The following ARL15 variants were observed in gnomAD, a reference collection of about 807,000 sequenced individuals.
ARL15 encodes ARF like GTPase 15, also known as ADP-ribosylation factor-like protein 15.
ARL15 carries 19 observed loss-of-function variants against 25.2 expected under a neutral mutation model. That is an observed-to-expected ratio of 0.75 (90% confidence interval 0.53 to 1.10). ARL15 has a LOEUF of 1.10. Ranked by LOEUF, ARL15 falls within the 50% of genes least tolerant of loss-of-function variation. The probability of loss-of-function intolerance (pLI) is 0.00; values close to 1 mark genes in which losing one functional copy is unlikely to be tolerated. For synonymous variants in ARL15, 94 were observed against 86.8 expected (o/e 1.08, Z -0.46); for missense variants, 220 against 246.0 (o/e 0.89, Z 0.71).
chr5:54,045,708 A>G (rs938541650), intron 4 of ARL15, among the ~76,000 whole-genome samples: 2 of 151,998 alleles, frequency 1.3e-5, no homozygotes, highest in Non-Finnish European at 2.9e-5. Flanking sequence ...TCAGACATAG[A>G]GAGAGTGGGG....
Position 54,220,845 on chromosome 5 carries a change from G to A in ARL15, c.49-48917C>T, listed in dbSNP as rs79259963. Among the ~76,000 whole-genome samples, 9 of 152,148 alleles carry A rather than the reference G, an allele frequency of 5.9e-5. No individual in the cohort carries two copies. The East Asian group carries it at 1.2e-3, about 20-fold the overall frequency. ...GTCCTCCTAAAGCACCCCCTTTGCC[G>A]TGGTGAGATCCGCAGTGCCGACTCT... On this transcript the variant is annotated intron_variant, in intron 1 of 4. Transcript: ENST00000504924.
intron 3 of ARL15, among the ~76,000 whole-genome samples, chr5:54,136,639 C>T (rs1753611999): frequency 6.6e-6 from 1 of 152,060 alleles, no homozygotes; most frequent in African/African-American, 2.4e-5. Flanking sequence ...TCTGAAAGAG[C>T]TTAAGCACAC....
At chr5:54,289,847 T>C (rs1225763842) in intron 1 of ARL15, among the ~76,000 whole-genome samples, 2 of 152,238 alleles carry the variant, frequency 1.3e-5, no homozygotes, top group Non-Finnish European at 2.9e-5. Flanking sequence ...TATTTTGTAA[T>C]TGACATATAA....
At chr5:54,198,987 A>G (rs1357181862) in intron 1 of ARL15, among the ~76,000 whole-genome samples, 1 of 151,874 alleles carries the variant, frequency 6.6e-6, no homozygotes, top group Admixed American at 6.6e-5. Flanking sequence ...CTCAGAAATA[A>G]TGCCACATAT....
chr5:53,943,911 T>C (rs1244175239), intron 4 of ARL15, among the ~76,000 whole-genome samples: 1 of 152,182 alleles, frequency 6.6e-6, no homozygotes, highest in African/African-American at 2.4e-5. Flanking sequence ...GGTAGAATAG[T>C]GCAATGGCTT....
intron 3 of ARL15, among the ~76,000 whole-genome samples, chr5:54,138,898 C>T (rs925514543): frequency 6.6e-6 from 1 of 151,998 alleles, no homozygotes; most frequent in African/African-American, 2.4e-5. Flanking sequence ...TACAAATGGT[C>T]AACAAACATG....
intron 4 of ARL15, among the ~76,000 whole-genome samples, chr5:54,087,828 A>G (rs927100058): frequency 1.1e-4 from 6 of 54,838 alleles, no homozygotes; most frequent in African/African-American, 2.9e-4. Flanking sequence ...GTCACATGAC[A>G]CCATGCCCGA....
chr5:54,234,211 G>A (rs894293235), intron 1 of ARL15, among the ~76,000 whole-genome samples: 2 of 151,696 alleles, frequency 1.3e-5, no homozygotes, highest in African/African-American at 4.8e-5. Flanking sequence ...GCCAGGTCTC[G>A]AACTCCTGGC....
intron 4 of ARL15, among the ~76,000 whole-genome samples, chr5:54,004,418 G>A (rs1337417930): frequency 6.6e-6 from 1 of 151,710 alleles, no homozygotes; most frequent in African/African-American, 2.4e-5. Context: ...GCTTGAACCC[G>A]GGAGGTGGAG....
chr5:54,155,545 T>C (rs1385834245), intron 2 of ARL15, among the ~76,000 whole-genome samples: 3 of 152,200 alleles, frequency 2.0e-5, no homozygotes, highest in Admixed American at 1.3e-4. Flanking sequence ...TTATAATACA[T>C]GTAATACAAG....
chr5:54,302,923 C>A (rs1213564521), intron 1 of ARL15, among the ~76,000 whole-genome samples: 1 of 151,826 alleles, frequency 6.6e-6, no homozygotes, highest in Non-Finnish European at 1.5e-5. Flanking sequence ...GGGAGAGCCA[C>A]AACATAACAC....
chr5:54,087,988 TA>T (rs1329051517), intron 4 of ARL15, among the ~76,000 whole-genome samples: 1 of 152,218 alleles, frequency 6.6e-6, no homozygotes, highest in African/African-American at 2.4e-5. Context: ...CTCCAAATAT[TA>T]ATAAGCATAA....
intron 1 of ARL15, among the ~76,000 whole-genome samples, chr5:54,190,481 C>A (rs1035123802): frequency 1.3e-5 from 2 of 152,012 alleles, no homozygotes; most frequent in African/African-American, 4.8e-5. Context: ...ACGTAATTTA[C>A]AAAGAACAGA....
intron 1 of ARL15, among the ~76,000 whole-genome samples, chr5:54,194,067 G>A (rs1157093788): frequency 6.6e-6 from 1 of 152,000 alleles, no homozygotes; most frequent in Non-Finnish European, 1.5e-5. Flanking sequence ...AATCCTAATC[G>A]CCATGCATTG....
intron 4 of ARL15, among the ~76,000 whole-genome samples, chr5:54,071,367 T>A (rs1298958928): frequency 6.6e-6 from 1 of 151,972 alleles, no homozygotes; most frequent in Non-Finnish European, 1.5e-5. Context: ...ATTGAACATC[T>A]CAAATTTCAA....
chr5:54,211,700 G>A (rs1756047555), intron 1 of ARL15, among the ~76,000 whole-genome samples: 1 of 151,988 alleles, frequency 6.6e-6, no homozygotes, highest in Non-Finnish European at 1.5e-5. Context: ...TTGAACTCCT[G>A]ACCTCAGGTG....
intron 4 of ARL15, among the ~76,000 whole-genome samples, chr5:54,101,043 CTTAG>C (rs952045988): frequency 1.6e-4 from 25 of 152,018 alleles, no homozygotes; most frequent in African/African-American, 4.8e-4. Context: ...TCTATAGAAC[CTTAG>C]TTAGTCATAC....
intron 1 of ARL15, among the ~76,000 whole-genome samples, chr5:54,241,153 T>C (rs1579943130): frequency 6.6e-6 from 1 of 152,162 alleles, no homozygotes; most frequent in East Asian, 1.9e-4. Context: ...AAAATAAGCC[T>C]GCCTATGTTT....
intron 4 of ARL15, among the ~76,000 whole-genome samples, chr5:54,022,546 T>C (rs255748): frequency 0.71 from 107,390 of 151,480 alleles, 38,356 homozygotes; most frequent in East Asian, 0.84. Context: ...ATTCTGAAGA[T>C]TGCTAGCTGA....
Sources: gnomAD v4.1 joint callset for allele counts (sites outside exome capture counted in the v4.1 genomes callset) on GRCh38, gnomAD v4.1.1 for gene constraint, MANE v1.5 for transcripts, NCBI Gene and HGNC (gene_info 2026-07-23, HGNC 2026-07-21) for gene names.